The following RNF150 variants were observed in gnomAD, a reference collection of about 807,000 sequenced individuals.
The protein encoded by RNF150 is ring finger protein 150.
A neutral mutation model predicts 39.3 loss-of-function variants in RNF150; 24 were observed. The observed-to-expected ratio is 0.61, with a 90% CI of 0.44 to 0.86. The LOEUF is 0.86. RNF150 is among the 40% of genes least tolerant of loss of function. The pLI, the probability that RNF150 is intolerant of heterozygous loss-of-function variation, is 0.00. For missense variants in RNF150, 502 were observed against 587.8 expected, an observed-to-expected ratio of 0.85 and a Z score of 1.51; for synonymous variants, 255 against 227.3, an observed-to-expected ratio of 1.12 and a Z score of -1.10.
intron 1 of RNF150, among the ~76,000 whole-genome samples, chr4:141,061,047 T>G (rs1208530939): frequency 6.6e-6 from 1 of 151,984 alleles, no homozygotes; most frequent in Non-Finnish European, 1.5e-5. Context: ...AGGTGATAGG[T>G]TGATGGGTGC....
chr4:141,117,405 G>A (rs1726436762), intron 1 of RNF150, among the ~76,000 whole-genome samples: 1 of 151,998 alleles, frequency 6.6e-6, no homozygotes, highest in South Asian at 2.1e-4. Context: ...TATATATGTG[G>A]TATAAATGTC....
intron 5 of RNF150, among the ~76,000 whole-genome samples, chr4:140,919,620 T>C (rs1731016223): frequency 6.7e-6 from 1 of 149,974 alleles, no homozygotes; most frequent in Non-Finnish European, 1.5e-5. Flanking sequence ...CCCAAGGTAA[T>C]TTATAGATTC....
chr4:141,197,255 G>A (rs772775162), intron 1 of RNF150, among the ~76,000 whole-genome samples: 16 of 152,224 alleles, frequency 1.1e-4, no homozygotes, highest in Admixed American at 3.9e-4. Context: ...TTGAATATAT[G>A]TTAGTGTTGT....
intron 1 of RNF150, among the ~76,000 whole-genome samples, chr4:141,054,031 A>G (rs1736878300): frequency 6.6e-6 from 1 of 152,200 alleles, no homozygotes; most frequent in Non-Finnish European, 1.5e-5. Flanking sequence ...AAATATTTCA[A>G]ATGAATAAAA....
chr4:140,901,714 G>C lies in RNF150; in HGVS notation c.1198+9430C>G, dbSNP rs1425737204. On this transcript the variant is annotated intron_variant, in intron 6 of 6. Transcript: ENST00000515673. ...CCTTTGAGGATCTATAAATTTAAGG[G>C]GGTAACTGGCGATTTCTCAAGAAAT... Among the ~76,000 whole-genome samples, 4 of 152,140 alleles carry C rather than the reference G, an allele frequency of 2.6e-5. No homozygotes were observed. The East Asian group carries it at 5.8e-4, about 22-fold the overall frequency.
rs148669167 is a variant in RNF150, at chr4:141,066,725, C to T, written c.484+65600G>A. 1.7e-3 allele frequency among the ~76,000 whole-genome samples: 257 copies of T among 152,120 alleles called. 2 individuals carry two copies. The highest frequency in any genetic ancestry group is 5.5e-3 in the African/African-American group (229 of 41,480). On this transcript the variant is annotated intron_variant, in intron 1 of 6. Transcript: ENST00000515673. Reference sequence around the variant, plus strand: ...TGTAGCCTGTTTGGTTGACTACTGACGTAAATTAATATAAAGTCTGAATTA... The same window carrying T: ...TGTAGCCTGTTTGGTTGACTACTGATGTAAATTAATATAAAGTCTGAATTA...
At chr4:141,018,635 A>T (rs556706665) in intron 1 of RNF150, among the ~76,000 whole-genome samples, 2 of 151,794 alleles carry the variant, frequency 1.3e-5, no homozygotes. Context: ...CTTTCCTTTC[A>T]CTGACTGATT....
rs186190711 is a variant in RNF150, at chr4:141,151,335, C to G, written c.-6+61459G>C. ...AATAGTATTATGAAAGTAATTTACCCTGTAATCCCAGGGACTCAAGAGGTC... is the reference window on the plus strand; with the variant it reads ...AATAGTATTATGAAAGTAATTTACCGTGTAATCCCAGGGACTCAAGAGGTC... On this transcript the variant is annotated intron_variant, in intron 1 of 7. Coordinates refer to the RNF150 transcript ENST00000420921. 3.6e-3 allele frequency among the ~76,000 whole-genome samples: 544 copies of G among 151,794 alleles called. 3 individuals are homozygous for G. Among genetic ancestry groups the G allele is most frequent in the South Asian group, 0.015 (70 of 4,794 alleles).
chr4:140,975,105 A>T (rs1306273966), intron 1 of RNF150, among the ~76,000 whole-genome samples: 1 of 151,964 alleles, frequency 6.6e-6, no homozygotes, highest in East Asian at 1.9e-4. Context: ...AAAATACGAA[A>T]ATTAGCTGGG....
chr4:141,082,009 T>C (rs1241601594), intron 1 of RNF150, among the ~76,000 whole-genome samples: 1 of 152,220 alleles, frequency 6.6e-6, no homozygotes, highest in Non-Finnish European at 1.5e-5. Flanking sequence ...TACGTGTTTG[T>C]ATCAAAGAAA....
At chr4:140,986,140 C>T (rs115047925) in intron 1 of RNF150, among the ~76,000 whole-genome samples, 2,223 of 152,066 alleles carry the variant, frequency 0.015, 52 homozygotes, top group African/African-American at 0.05. Context: ...TATTAAATTA[C>T]GGAAAGTGAT....
chr4:140,913,262 G>GAAAAC (rs776506401), intron 5 of RNF150, among the ~76,000 whole-genome samples: 43 of 152,156 alleles, frequency 2.8e-4, no homozygotes, highest in Admixed American at 1.4e-3. Context: ...TCTGTCTCAA[G>GAAAAC]AAAACAAAAC....
chr4:140,980,404 A>C (rs1012731062), intron 1 of RNF150, among the ~76,000 whole-genome samples: 1 of 152,070 alleles, frequency 6.6e-6, no homozygotes, highest in Non-Finnish European at 1.5e-5. Flanking sequence ...AAAAACAATC[A>C]CAGTATCATG....
At chr4:141,148,505 G>C (rs1291015269) in intron 1 of RNF150, among the ~76,000 whole-genome samples, 1 of 151,978 alleles carries the variant, frequency 6.6e-6, no homozygotes, top group African/African-American at 2.4e-5. Flanking sequence ...GTGCAATGGT[G>C]CCATCTTGGC....
At chr4:141,145,991 T>G (rs1008555072) in intron 1 of RNF150, among the ~76,000 whole-genome samples, 3 of 152,226 alleles carry the variant, frequency 2.0e-5, no homozygotes, top group African/African-American at 7.2e-5. Flanking sequence ...GCCTTCCACC[T>G]ACTGTTCATT....
At chr4:141,004,206 T>C (rs1372894711) in intron 1 of RNF150, among the ~76,000 whole-genome samples, 1 of 150,838 alleles carries the variant, frequency 6.6e-6, no homozygotes. Context: ...GGTTTAAACT[T>C]TAGTGGGAAG....
At chr4:141,171,989 C>T (rs1234426991) in intron 1 of RNF150, among the ~76,000 whole-genome samples, 1 of 152,148 alleles carries the variant, frequency 6.6e-6, no homozygotes, top group African/African-American at 2.4e-5. Context: ...TTTTATAATA[C>T]CGCATATCAT....
At position 141,151,409 on chromosome 4, in the gene RNF150, GACACACACAC is replaced by G. The variant is rs869289733; in HGVS notation, c.-6+61375_-6+61384del. On this transcript the variant is annotated intron_variant, in intron 1 of 7. Coordinates refer to the RNF150 transcript ENST00000420921. The stretch of plus-strand genomic sequence containing the variant: ...AATGTAGTGAAACCCCATCTCTACA[GACACACACAC>G]ACACACACACACACACACACACACA... Among the ~76,000 whole-genome samples the G allele has an allele frequency of 8.7e-3, 1,061 of 121,982 alleles. 13 individuals are homozygous for G. Among genetic ancestry groups the G allele is most frequent in the African/African-American group, 0.03 (1,018 of 34,374 alleles). 80.0% of individuals were successfully genotyped at this position (121,982 alleles called of 152,430 possible). A position where few individuals can be genotyped will look rare whatever the true frequency, so the allele number is the denominator to read the frequency against.
At chr4:141,041,670 A>G (rs1333790429) in intron 1 of RNF150, among the ~76,000 whole-genome samples, 1 of 152,084 alleles carries the variant, frequency 6.6e-6, no homozygotes, top group African/African-American at 2.4e-5. Context: ...TTGCCACTAG[A>G]AATAATTAAT....
Sources: allele counts gnomAD v4.1 joint callset (sites outside exome capture counted in the v4.1 genomes callset), GRCh38; gene constraint gnomAD v4.1.1; transcripts MANE v1.5; gene names NCBI Gene and HGNC (gene_info 2026-07-23, HGNC 2026-07-21).